Variants in PKMYT1 observed in about 807,000 individuals in gnomAD.
The protein encoded by PKMYT1 is membrane-associated tyrosine- and threonine-specific cdc2-inhibitory kinase.
Under a neutral mutation model 49.7 loss-of-function variants are expected in PKMYT1, and 35 were observed. That is an observed-to-expected ratio of 0.70 (90% confidence interval 0.54 to 0.93). The LOEUF is 0.93. PKMYT1 is among the 40% of genes least tolerant of loss of function. PKMYT1 has a pLI of 0.00. For synonymous variants in PKMYT1, 331 were observed against 287.6 expected, an observed-to-expected ratio of 1.15 and a Z score of -1.53; for missense variants, 677 against 673.1, an observed-to-expected ratio of 1.01 and a Z score of -0.06.
chr16:2,973,508 C>T (rs968544493), intron 7 of PKMYT1: 1 of 1,356,444 alleles, frequency 7.4e-7, no homozygotes, highest in Non-Finnish European at 9.9e-7. Context: ...TTCTTGTCTG[C>T]TATCAAGTGC....
intron 2 of PKMYT1, among the ~76,000 whole-genome samples, chr16:2,978,869 T>C (rs2072268209): frequency 6.6e-6 from 1 of 151,280 alleles, no homozygotes; most frequent in Admixed American, 6.6e-5. Context: ...TGCAGTGGTA[T>C]GATCTCGGCC....
Position 2,975,507 on chromosome 16 carries a change from G to A in PKMYT1, c.684C>T (p.Gly228=), listed in dbSNP as rs748933063. 1 of 1,612,694 alleles carries A rather than the reference G, an allele frequency of 6.2e-7. No individual in the cohort carries two copies. Among genetic ancestry groups the A allele is most frequent in the Non-Finnish European group, 8.5e-7 (1 of 1,179,894 alleles). Reference sequence around the variant, plus strand: ...CAGGCTTGACATCAAGGTGCACCAGGCCCTGGCTGTGCAGATGGGCCAGGG... The same window carrying A: ...CAGGCTTGACATCAAGGTGCACCAGACCCTGGCTGTGCAGATGGGCCAGGG... ...LLALAHLHSQ[G]LVHLDVKPAN... The change falls in exon 4 of 9, where the codon GGC becomes GGT. Residue 228 remains glycine (G), a synonymous_variant. Transcript: ENST00000262300.
At chr16:2,974,738 G>T in intron 4 of PKMYT1, 82 bp from the exon 5 acceptor site, 1 of 851,168 alleles carries the variant, frequency 1.2e-6, no homozygotes. Flanking sequence ...TCTTGGAGGT[G>T]GGTGGGAGAG....
At position 2,975,526 on chromosome 16, in the gene PKMYT1, G is replaced by C; in HGVS notation, c.665C>G (p.Ala222Gly). 1 of 1,612,334 alleles carries C rather than the reference G, an allele frequency of 6.2e-7. No homozygotes were observed. Among genetic ancestry groups the C allele is most frequent in the Non-Finnish European group, 8.5e-7 (1 of 1,179,882 alleles). ...CACCAGGCCCTGGCTGTGCAGATGG[G>C]CCAGGGCAAGCAGCGTGTCCCGCAG... ...GYLRDTLLAL[A>G]HLHSQGLVHL... Residue 222 changes from alanine (A) to glycine (G), a missense_variant, in exon 4 of 9, where the codon GCC (alanine) becomes GGC (glycine). Coordinates refer to ENST00000262300, the MANE Select transcript of PKMYT1 (RefSeq NM_004203.5).
At chr16:2,973,612 C>G in intron 7 of PKMYT1, 1 of 481,484 alleles carries the variant, frequency 2.1e-6, no homozygotes, top group East Asian at 4.9e-5. Flanking sequence ...CTAATTACAG[C>G]CTCTCACTCA....
At position 2,973,079 on chromosome 16, in the gene PKMYT1, T is replaced by C. The variant is rs375470552; in HGVS notation, c.1389-15A>G. On this transcript the variant is annotated splice_polypyrimidine_tract_variant and intron_variant, in intron 8 of 8. Transcript: ENST00000262300. The stretch of plus-strand genomic sequence containing the variant: ...CCAGGGCATCCCTGGGAGGAGAGAG[T>C]AGTGACACTCAGGATCCAAAAGCTA... 4.5e-5 allele frequency: 71 copies of C among 1,584,974 alleles called. No homozygotes were observed. The East Asian group carries it at 5.7e-4, about 13-fold the overall frequency.
At chr16:2,978,043 C>G (rs1332232638) in intron 2 of PKMYT1, among the ~76,000 whole-genome samples, 1 of 152,186 alleles carries the variant, frequency 6.6e-6, no homozygotes, top group African/African-American at 2.4e-5. Flanking sequence ...ACCAAGAAGG[C>G]CAGAGGCTCC....
chr16:2,978,195 C>A (rs374805260), intron 2 of PKMYT1, among the ~76,000 whole-genome samples: 3 of 152,288 alleles, frequency 2.0e-5, no homozygotes, highest in East Asian at 3.9e-4. Context: ...CTCTCCCCAC[C>A]CACCAACCCC....
At chr16:2,977,267 A>C in intron 2 of PKMYT1, 4 of 1,356,382 alleles carry the variant, frequency 2.9e-6, no homozygotes, top group Non-Finnish European at 3.8e-6. Flanking sequence ...GAGGAAAACC[A>C]TGGGGCCCGT....
At position 2,976,137 on chromosome 16, in the gene PKMYT1, C is replaced by T. The variant is rs4149794; in HGVS notation, c.379-325G>A. The T allele has an allele frequency of 1.7e-3, 584 of 353,398 alleles. 2 individuals are homozygous for T. Among genetic ancestry groups the T allele is most frequent in the Non-Finnish European group, 1.2e-3 (241 of 195,556 alleles). 21.9% of individuals were successfully genotyped at this position (353,398 alleles called of 1,614,324 possible). A position where few individuals can be genotyped will look rare whatever the true frequency, so the allele number is the denominator to read the frequency against. On this transcript the variant is annotated intron_variant, in intron 3 of 8. Transcript: ENST00000262300. The stretch of plus-strand genomic sequence containing the variant: ...CAGGCTGTGGTGTGAAAAGTGGGCT[C>T]CCCTGTGAGAAAGCTGACCTGGGGG...
At position 2,975,506 on chromosome 16, in the gene PKMYT1, G is replaced by C; in HGVS notation, c.685C>G (p.Leu229Val). ...LALAHLHSQG[L>V]VHLDVKPANI... is the part of the protein sequence containing the mutation. ...GCAGGCTTGACATCAAGGTGCACCA[G>C]GCCCTGGCTGTGCAGATGGGCCAGG... is the stretch of plus-strand genomic sequence containing the variant. The change falls in exon 4 of 9, where the codon CTG becomes GTG. Residue 229 changes from leucine (L) to valine (V), a missense_variant. Coordinates refer to ENST00000262300, the MANE Select transcript of PKMYT1 (RefSeq NM_004203.5). 1 of 1,612,738 alleles carries C rather than the reference G, an allele frequency of 6.2e-7. No individual in the cohort carries two copies. Among genetic ancestry groups the C allele is most frequent in the Non-Finnish European group, 8.5e-7 (1 of 1,179,912 alleles).
At chr16:2,979,283 G>A (rs77816720) in intron 2 of PKMYT1, among the ~76,000 whole-genome samples, 1 of 152,088 alleles carries the variant, frequency 6.6e-6, no homozygotes, top group Admixed American at 6.5e-5. Context: ...GCGGTGAGCC[G>A]AGATTGCGGC....
chr16:2,972,907 G>T lies in PKMYT1; in HGVS notation c.*46C>A. On this transcript the variant is annotated 3_prime_UTR_variant, in exon 9 of 9. Coordinates refer to ENST00000262300, the MANE Select transcript of PKMYT1 (RefSeq NM_004203.5). ...GCCCCAGCTTTCAAGGGCGACGGGA[G>T]AGACACAGGATAAAAGGTTAAAAGT... The T allele has an allele frequency of 6.4e-7, 1 of 1,562,774 alleles. No homozygotes were observed. The highest frequency in any genetic ancestry group is 8.7e-7 in the Non-Finnish European group (1 of 1,151,086).
In PKMYT1 at chr16:2,976,836, G is replaced by A; in HGVS notation, c.206C>T (p.Pro69Leu). Residue 69 changes from proline (P) to leucine (L), a missense_variant, in exon 3 of 9, where the codon CCT (proline) becomes CTT (leucine). Transcript: ENST00000262300. Reference sequence around the variant, plus strand: ...CAGCTGGTGCCAGCCTGGGGTCCGAGGAGGGAAGAGGCGGCTGATGGGAAT... The same window carrying A: ...CAGCTGGTGCCAGCCTGGGGTCCGAAGAGGGAAGAGGCGGCTGATGGGAAT... ...GSIPISRLFP[P>L]RTPGWHQLQP... is the part of the protein sequence containing the mutation. The A allele has an allele frequency of 1.9e-6, 3 of 1,553,778 alleles. No individual in the cohort carries two copies. Among genetic ancestry groups the A allele is most frequent in the Non-Finnish European group, 2.6e-6 (3 of 1,149,228 alleles).
intron 2 of PKMYT1, chr16:2,977,539 G>A (rs142048728): frequency 3.1e-6 from 3 of 957,102 alleles, no homozygotes; most frequent in East Asian, 2.3e-4. Flanking sequence ...GTGCAGCTCC[G>A]TGGACCCCTG....
rs185005984 is a variant in PKMYT1, at chr16:2,972,865, A to T, written c.*88T>A. 6.5e-7 allele frequency: 1 copy of T among 1,536,050 alleles called. No homozygotes were observed. The highest frequency in any genetic ancestry group is 2.4e-5 in the East Asian group (1 of 41,826). On this transcript the variant is annotated 3_prime_UTR_variant, in exon 9 of 9. Coordinates refer to ENST00000262300, the MANE Select transcript of PKMYT1 (RefSeq NM_004203.5). Reference sequence around the variant, plus strand: ...TAGACACGGCCAGGCAGAGAAGACCATGGGAGTTCCCGAGGGGCCCCAGCT... The same window carrying T: ...TAGACACGGCCAGGCAGAGAAGACCTTGGGAGTTCCCGAGGGGCCCCAGCT...
In PKMYT1 at chr16:2,979,698, G is replaced by A. The variant is rs748354751; in HGVS notation, c.-41C>T. 8.1e-6 allele frequency: 13 copies of A among 1,613,444 alleles called. No individual in the cohort carries two copies. In the African/African-American group the frequency reaches 1.1e-4, roughly 13 times the overall value. On this transcript the variant is annotated 5_prime_UTR_variant, in exon 2 of 9. Transcript: ENST00000262300. ...ACAGCCTCAGTGGTGGGACGGGGGA[G>A]GCAGGAGCAGGGGCTCCCACGTGAA...
intron 4 of PKMYT1, 129 bp from the exon 5 acceptor site, chr16:2,974,785 A>C (rs1372264627): frequency 9.4e-6 from 6 of 636,202 alleles, no homozygotes; most frequent in Non-Finnish European, 1.7e-5. Flanking sequence ...GGGCGGAAGC[A>C]GGGGGAAGGG....
At chr16:2,974,935 C>G in intron 4 of PKMYT1, 1 of 565,998 alleles carries the variant, frequency 1.8e-6, no homozygotes, top group Non-Finnish European at 3.1e-6. Context: ...TTACTGCTGG[C>G]AGGTATTACT....
Sources: gnomAD v4.1 joint callset for allele counts (sites outside exome capture counted in the v4.1 genomes callset) on GRCh38, gnomAD v4.1.1 for gene constraint, MANE v1.5 for transcripts, NCBI Gene and HGNC (gene_info 2026-07-23, HGNC 2026-07-21) for gene names.